ARPC1A: variants seen among roughly 807,000 people sequenced by gnomAD.
ARPC1A encodes the protein actin-related protein 2/3 complex subunit 1A.
ARPC1A carries 8 observed loss-of-function variants against 46.9 expected under a neutral mutation model. That is an observed-to-expected ratio of 0.17 (90% CI 0.10 to 0.31). ARPC1A has a LOEUF of 0.31. Among genes scored for constraint, ARPC1A ranks in the 10% least tolerant of loss-of-function variants. ARPC1A has a pLI of 1.00. For missense variants in ARPC1A, 286 were observed against 483.6 expected, an observed-to-expected ratio of 0.59 and a Z score of 3.83; for synonymous variants, 152 against 169.0, an observed-to-expected ratio of 0.90 and a Z score of 0.78.
At chr7:99,358,249 C>T in intron 6 of ARPC1A, 91 bp from the exon 7 acceptor site, 2 of 1,285,434 alleles carry the variant, frequency 1.6e-6, no homozygotes, top group Admixed American at 1.8e-5. Flanking sequence ...TGCAGAAGCC[C>T]CTGTGAGAAT....
intron 8 of ARPC1A, among the ~76,000 whole-genome samples, chr7:99,361,654 A>AGCTCTCAT (rs1793742729): frequency 6.6e-6 from 1 of 152,144 alleles, no homozygotes; most frequent in East Asian, 1.9e-4. Flanking sequence ...GGAAAGAAAA[A>AGCTCTCAT]GCTCTCATTG....
intron 4 of ARPC1A, among the ~76,000 whole-genome samples, chr7:99,347,605 G>C (rs1393637916): frequency 6.6e-6 from 1 of 152,146 alleles, no homozygotes; most frequent in Non-Finnish European, 1.5e-5. Flanking sequence ...TCGGGAGGCT[G>C]AGGCACAAGA....
At chr7:99,327,414 G>C (rs901301473) in intron 1 of ARPC1A, among the ~76,000 whole-genome samples, 1 of 151,860 alleles carries the variant, frequency 6.6e-6, no homozygotes, top group East Asian at 1.9e-4. Flanking sequence ...GGGTTCAAGC[G>C]ATTCTCCTGC....
intron 5 of ARPC1A, 124 bp downstream of exon 5, chr7:99,349,083 C>T: frequency 1.1e-6 from 1 of 948,340 alleles, no homozygotes; most frequent in African/African-American, 1.6e-5. Context: ...GACAGGGTCT[C>T]ACTCTCACCC....
chr7:99,344,279 T>C lies in ARPC1A; in HGVS notation c.170-14T>C, dbSNP rs760020257. 1.5e-5 allele frequency: 24 copies of C among 1,613,440 alleles called. No homozygotes were observed. Among genetic ancestry groups the C allele is most frequent in the Non-Finnish European group, 2.0e-5 (23 of 1,179,400 alleles). On this transcript the variant is annotated splice_polypyrimidine_tract_variant and intron_variant, in intron 3 of 9. Transcript: ENST00000262942. ...TTGACTGGGCAAAGCAGATGACCCA[T>C]GTCTCACTTGCAGGTATTGACTGGG...
chr7:99,359,435 CAAA>C (rs60691102), intron 7 of ARPC1A, 107 bp from the exon 8 acceptor site: 25,265 of 758,690 alleles, frequency 0.033, 1 homozygote, highest in Middle Eastern at 0.043. Flanking sequence ...GACTCGGTCT[CAAA>C]AAAAAAAAAA....
intron 2 of ARPC1A, among the ~76,000 whole-genome samples, chr7:99,335,902 C>A (rs1003208270): frequency 7.9e-5 from 12 of 151,186 alleles, no homozygotes; most frequent in Admixed American, 6.6e-4. Flanking sequence ...TGCAGTGAGC[C>A]GAGATTGTGC....
In ARPC1A at chr7:99,345,657, C is replaced by CA. The variant is rs547514508; in HGVS notation, c.392+1156dup. Among the ~76,000 whole-genome samples the CA allele has an allele frequency of 6.3e-3, 843 of 134,146 alleles. 2 individuals are homozygous for CA. Among genetic ancestry groups the CA allele is most frequent in the South Asian group, 0.013 (56 of 4,264 alleles). The allele number at this position is 134,146 out of a possible 152,430, so 88.0% of individuals were successfully genotyped here. A position where few individuals can be genotyped will look rare whatever the true frequency, so the allele number is the denominator to read the frequency against. On this transcript the variant is annotated intron_variant, in intron 4 of 9. Transcript: ENST00000262942. Reference sequence around the variant, plus strand: ...TGGGCGGCAAAGTGAGATTCTATCTCAAAAAAAAAAAAAATTATTTTTCTG... The same window carrying CA: ...TGGGCGGCAAAGTGAGATTCTATCTCAAAAAAAAAAAAAAATTATTTTTCTG...
chr7:99,342,013 T>C (rs915311635), intron 3 of ARPC1A, among the ~76,000 whole-genome samples: 2 of 152,214 alleles, frequency 1.3e-5, no homozygotes, highest in African/African-American at 4.8e-5. Flanking sequence ...GGTTTTATTC[T>C]TTTGTATTAA....
At chr7:99,336,081 C>T (rs1793246096) in intron 2 of ARPC1A, among the ~76,000 whole-genome samples, 1 of 152,196 alleles carries the variant, frequency 6.6e-6, no homozygotes, top group Non-Finnish European at 1.5e-5. Context: ...CCTATATCTT[C>T]TGTTTCCACT....
At chr7:99,349,565 G>A (rs776584811) in intron 5 of ARPC1A, among the ~76,000 whole-genome samples, 6 of 151,994 alleles carry the variant, frequency 3.9e-5, no homozygotes, top group East Asian at 2.0e-4. Flanking sequence ...GAGGCCGGGC[G>A]CAGTAGCTCA....
At chr7:99,334,916 C>G (rs893863354) in intron 2 of ARPC1A, among the ~76,000 whole-genome samples, 2 of 151,996 alleles carry the variant, frequency 1.3e-5, no homozygotes, top group Non-Finnish European at 2.9e-5. Context: ...CAATCTTGGC[C>G]CACTGCAAGC....
intron 8 of ARPC1A, chr7:99,360,094 G>A (rs933911234): frequency 8.9e-6 from 3 of 335,952 alleles, no homozygotes; most frequent in Non-Finnish European, 1.7e-5. Flanking sequence ...ATTCCTGAAT[G>A]CTGCGTTCCC....
intron 6 of ARPC1A, among the ~76,000 whole-genome samples, chr7:99,356,472 GCA>G (rs1464470941): frequency 2.6e-5 from 4 of 151,788 alleles, no homozygotes; most frequent in Non-Finnish European, 5.9e-5. Flanking sequence ...AGGTGTGGTG[GCA>G]TGCACCTGTA....
In ARPC1A at chr7:99,360,131, G is replaced by C. The variant is rs536780489; in HGVS notation, c.983+393G>C. The C allele has an allele frequency of 2.8e-5, 6 of 212,740 alleles. No individual in the cohort carries two copies. The East Asian group carries it at 5.4e-4, about 19-fold the overall frequency. The allele number at this position is 212,740 out of a possible 1,614,324, so 13.2% of individuals were successfully genotyped here. ...CAGTAGTGCACACATAACAGAAAGC[G>C]AAGTTACAGCCTGTTGGAAAAGGTA... On this transcript the variant is annotated intron_variant, in intron 8 of 9. Transcript: ENST00000262942.
At chr7:99,333,253 C>T in intron 1 of ARPC1A, 72 bp from the exon 2 acceptor site, 4 of 927,200 alleles carry the variant, frequency 4.3e-6, no homozygotes, top group Non-Finnish European at 6.9e-6. Flanking sequence ...TTAAGATCCT[C>T]AGGCAACTTA....
At chr7:99,361,820 C>A (rs938584494) in intron 8 of ARPC1A, among the ~76,000 whole-genome samples, 1 of 152,204 alleles carries the variant, frequency 6.6e-6, no homozygotes, top group African/African-American at 2.4e-5. Flanking sequence ...CTCCTAGAGG[C>A]CATAGGTCTC....
intron 3 of ARPC1A, 93 bp downstream of exon 3, chr7:99,338,378 A>T (rs1370995170): frequency 7.8e-5 from 19 of 243,032 alleles, no homozygotes; most frequent in South Asian, 3.6e-4. Context: ...GGTGGCCATA[A>T]TTTTTTTTTT....
rs1157667777 is a variant in ARPC1A at position 99,338,162 on chromosome 7, G to A, written c.65-19G>A. The A allele has an allele frequency of 3.2e-6, 5 of 1,567,686 alleles. No homozygotes were observed. Among genetic ancestry groups the A allele is most frequent in the Non-Finnish European group, 4.4e-6 (5 of 1,139,340 alleles). ...ATTGCAAGTTCAGGTGTTAACTGTT[G>A]TTTGACTTGTGTCTCCAGAGATTGC... On this transcript the variant is annotated intron_variant, in intron 2 of 9. Transcript: ENST00000262942.
Sources: allele counts gnomAD v4.1 joint callset (sites outside exome capture counted in the v4.1 genomes callset), GRCh38; gene constraint gnomAD v4.1.1; transcripts MANE v1.5; gene names NCBI Gene and HGNC (gene_info 2026-07-23, HGNC 2026-07-21).